Variants in COL5A2 observed in about 807,000 individuals in gnomAD.
COL5A2 encodes collagen type V alpha 2 chain.
COL5A2 carries 23 observed loss-of-function variants against 208.2 expected under a neutral mutation model. The observed-to-expected ratio is 0.11, with a 90% CI of 0.08 to 0.16. COL5A2 has a LOEUF of 0.16. Ranked by LOEUF, COL5A2 falls within the 10% of genes least tolerant of loss-of-function variation. The pLI is 1.00. For synonymous variants in COL5A2, 625 were observed against 628.5 expected (o/e 0.99, Z 0.08); for missense variants, 1,590 against 1,956.4 (o/e 0.81, Z 3.53).
chr2:189,233,290 C>T, the COL5A2 span, among the ~76,000 whole-genome samples: 2 of 151,680 alleles, frequency 1.3e-5, no homozygotes, highest in Admixed American at 6.6e-5. Context: ...GTTTTAAATG[C>T]TTCCATTAAA....
At chr2:189,050,165 T>C (rs1685753265) in intron 43 of COL5A2, among the ~76,000 whole-genome samples, 1 of 152,210 alleles carries the variant, frequency 6.6e-6, no homozygotes, top group South Asian at 2.1e-4. Context: ...AAATATTACT[T>C]TAGCTCAACT....
At chr2:189,230,246 G>T (rs560655975), upstream of COL5A2, among the ~76,000 whole-genome samples, 1 of 151,804 alleles carries the variant, frequency 6.6e-6, no homozygotes, top group East Asian at 1.9e-4. Flanking sequence ...ATAGATAAAA[G>T]GTTTCATGAC....
chr2:189,164,448 GT>G (rs1413863308), intron 1 of COL5A2, among the ~76,000 whole-genome samples: 6 of 151,626 alleles, frequency 4.0e-5, no homozygotes, highest in Admixed American at 2.6e-4. Context: ...TTTGGGAGAT[GT>G]TCTAGATAGT....
chr2:189,151,392 A>G (rs1688138761), intron 1 of COL5A2, among the ~76,000 whole-genome samples: 1 of 152,184 alleles, frequency 6.6e-6, no homozygotes, highest in Admixed American at 6.5e-5. Flanking sequence ...TTCAGAGCAA[A>G]GACAATCTAG....
At chr2:189,163,498 A>T (rs1352261637) in intron 1 of COL5A2, among the ~76,000 whole-genome samples, 2 of 152,204 alleles carry the variant, frequency 1.3e-5, no homozygotes, top group Non-Finnish European at 2.9e-5. Context: ...AGCATCTAGG[A>T]ACTTTATTGT....
chr2:189,207,603 A>G (rs1297497459), intron 1 of COL5A2, among the ~76,000 whole-genome samples: 1 of 152,184 alleles, frequency 6.6e-6, no homozygotes, highest in African/African-American at 2.4e-5. Flanking sequence ...AAATAAATAC[A>G]ATACAATGAA....
chr2:189,062,600 T>C (rs1439618629), intron 29 of COL5A2, among the ~76,000 whole-genome samples: 2 of 152,198 alleles, frequency 1.3e-5, no homozygotes, highest in Non-Finnish European at 2.9e-5. Flanking sequence ...TCAGTTGATA[T>C]AGTCCTTAAC....
chr2:189,078,525 C>G lies in COL5A2; in HGVS notation c.1050G>C (p.Gln350His). ...MPGERGRLGPQGAPGQRGAHG... is the reference protein window; with the variant it reads ...MPGERGRLGPHGAPGQRGAHG... Reference sequence around the variant, plus strand: ...AAGCAGATATACTTACAGGAGCACCCTGTGGCCCAAGTCTCCCTCTCTCTC... The same window carrying G: ...AAGCAGATATACTTACAGGAGCACCGTGTGGCCCAAGTCTCCCTCTCTCTC... Residue 350 changes from glutamine to histidine, a missense_variant, in exon 16 of 54, where the codon CAG becomes CAC. Transcript: ENST00000374866. 5 of 1,611,736 alleles carry G rather than the reference C, an allele frequency of 3.1e-6. No homozygotes were observed. The highest frequency in any genetic ancestry group is 3.4e-6 in the Non-Finnish European group (4 of 1,177,862).
intron 1 of COL5A2, among the ~76,000 whole-genome samples, chr2:189,115,967 G>A (rs1319577761): frequency 6.6e-6 from 1 of 152,166 alleles, no homozygotes; most frequent in Non-Finnish European, 1.5e-5. Context: ...CTGACATTCA[G>A]GCCTCTGTGT....
rs1685960750 is a variant in COL5A2 at position 189,058,882 on chromosome 2, T to C, written c.2097A>G (p.Gly699=). 6.2e-7 allele frequency: 1 copy of C among 1,603,788 alleles called. No homozygotes were observed. The highest frequency in any genetic ancestry group is 1.4e-5 in the African/African-American group (1 of 72,142). Residue 699 remains glycine, a synonymous_variant, in exon 32 of 54, where the codon GGA becomes GGG. Transcript: ENST00000374866. Reference sequence around the variant, plus strand: ...CTAACGGGCCAACTGCTCCGGGATCTCCAGGAACACCCTATAAACACATTT... The same window carrying C: ...CTAACGGGCCAACTGCTCCGGGATCCCCAGGAACACCCTATAAACACATTT... ...GGKPGDQGVP[G]DPGAVGPLGP...
chr2:189,259,052 T>C, the COL5A2 span, among the ~76,000 whole-genome samples: 1 of 152,306 alleles, frequency 6.6e-6, no homozygotes, highest in South Asian at 2.1e-4. Flanking sequence ...TTGTACTTCT[T>C]CTTCCCAAGA....
the COL5A2 span, among the ~76,000 whole-genome samples, chr2:189,363,897 G>A: frequency 5.9e-5 from 9 of 152,124 alleles, no homozygotes; most frequent in Admixed American, 3.9e-4. Flanking sequence ...ATAACCCACC[G>A]TGTTGACCCA....
the COL5A2 span, among the ~76,000 whole-genome samples, chr2:189,286,260 G>A: frequency 6.6e-6 from 1 of 152,122 alleles, no homozygotes; most frequent in Non-Finnish European, 1.5e-5. Flanking sequence ...CACTAGGGCT[G>A]TATTAAAAAG....
At chr2:189,316,331 C>T in the COL5A2 span, among the ~76,000 whole-genome samples, 1 of 152,040 alleles carries the variant, frequency 6.6e-6, no homozygotes, top group African/African-American at 2.4e-5. Flanking sequence ...AGCTGGAGGC[C>T]ATTATCCTTA....
the COL5A2 span, among the ~76,000 whole-genome samples, chr2:189,252,857 C>CTT: frequency 6.6e-6 from 1 of 152,168 alleles, no homozygotes; most frequent in African/African-American, 2.4e-5. Flanking sequence ...TTTAGTATAG[C>CTT]TGGGACATTT....
chr2:189,092,382 A>T lies in COL5A2; in HGVS notation c.495T>A (p.Gly165=). The T allele has an allele frequency of 1.9e-6, 3 of 1,607,266 alleles. No individual in the cohort carries two copies. Among genetic ancestry groups the T allele is most frequent in the Non-Finnish European group, 2.5e-6 (3 of 1,176,660 alleles). ...RGPQGIDGEP[G]VPGQPGAPGP... is the part of the protein sequence containing the mutation. The stretch of plus-strand genomic sequence containing the variant: ...CTGGAGCACCAGGTTGACCAGGAAC[A>T]CCTGGTTCTCCATCAATTCCCTGAG... Residue 165 remains glycine, a synonymous_variant, in exon 7 of 54, where the codon GGT becomes GGA. Transcript: ENST00000374866.
chr2:189,169,965 G>GAGTAGATCTA (rs1421872460), intron 1 of COL5A2, among the ~76,000 whole-genome samples: 1 of 152,132 alleles, frequency 6.6e-6, no homozygotes, highest in Non-Finnish European at 1.5e-5. Flanking sequence ...GATCTACCCA[G>GAGTAGATCTA]CTCGGCCTCT....
chr2:189,222,879 G>A (rs921421287), intron 1 of COL5A2, among the ~76,000 whole-genome samples: 2 of 152,142 alleles, frequency 1.3e-5, no homozygotes, highest in African/African-American at 2.4e-5. Flanking sequence ...CTCAAGACTA[G>A]AGTAAGCCAG....
intron 2 of COL5A2, among the ~76,000 whole-genome samples, chr2:189,106,253 A>G (rs1028257713): frequency 1.4e-4 from 21 of 151,490 alleles, no homozygotes; most frequent in Non-Finnish European, 2.4e-4. Context: ...CAAGAACATA[A>G]TAGGACATTC....
Sources: allele counts gnomAD v4.1 joint callset (sites outside exome capture counted in the v4.1 genomes callset), GRCh38; gene constraint gnomAD v4.1.1; transcripts MANE v1.5; gene names NCBI Gene and HGNC (gene_info 2026-07-23, HGNC 2026-07-21).